Variants in UNC5C observed in about 807,000 individuals in gnomAD.
UNC5C encodes netrin receptor UNC5C.
In UNC5C, 47 loss-of-function variants were observed where a neutral mutation model predicts 99.8. The observed-to-expected ratio is 0.47, with a 90% CI of 0.37 to 0.60. The LOEUF (loss-of-function observed/expected upper bound fraction) is 0.60, where lower values mean the gene tolerates loss of function less well. Ranked by LOEUF, UNC5C falls within the 20% of genes least tolerant of loss-of-function variation. The probability of loss-of-function intolerance (pLI) is 0.00; values close to 1 mark genes in which losing one functional copy is unlikely to be tolerated. For synonymous variants in UNC5C, 487 were observed against 452.2 expected, an observed-to-expected ratio of 1.08 and a Z score of -0.98; for missense variants, 1,062 against 1,165.9, an observed-to-expected ratio of 0.91 and a Z score of 1.30.
chr4:95,495,995 G>A (rs1315525831), intron 1 of UNC5C, among the ~76,000 whole-genome samples: 1 of 151,672 alleles, frequency 6.6e-6, no homozygotes, highest in Admixed American at 6.6e-5. Context: ...GCAATTTTAA[G>A]GTGTTTTACA....
At chr4:95,229,580 A>G (rs749865320) in intron 7 of UNC5C, among the ~76,000 whole-genome samples, 25 of 152,156 alleles carry the variant, frequency 1.6e-4, no homozygotes, top group South Asian at 6.2e-4. Flanking sequence ...CAGTGCTGCA[A>G]TAAACATATG....
intron 1 of UNC5C, among the ~76,000 whole-genome samples, chr4:95,420,384 A>G (rs946652832): frequency 1.3e-5 from 2 of 152,170 alleles, no homozygotes; most frequent in East Asian, 3.8e-4. Context: ...TAATAAAATA[A>G]TCAATATTTT....
chr4:95,346,472 C>T (rs1560797197), intron 1 of UNC5C, among the ~76,000 whole-genome samples: 1 of 151,950 alleles, frequency 6.6e-6, no homozygotes. Flanking sequence ...GAAGGACATA[C>T]GGAAGAAATC....
intron 1 of UNC5C, among the ~76,000 whole-genome samples, chr4:95,430,467 C>T (rs1560830057): frequency 6.6e-6 from 1 of 152,046 alleles, no homozygotes; most frequent in Non-Finnish European, 1.5e-5. Flanking sequence ...CTTCAATTAC[C>T]TATTAGAAAA....
At chr4:95,419,998 GGTCT>G (rs1236786227) in intron 1 of UNC5C, among the ~76,000 whole-genome samples, 4 of 152,010 alleles carry the variant, frequency 2.6e-5, no homozygotes, top group East Asian at 1.9e-4. Context: ...CAATTTTGAT[GGTCT>G]GTCTTTTTAT....
intron 1 of UNC5C, among the ~76,000 whole-genome samples, chr4:95,495,239 T>C (rs1560484193): frequency 6.6e-6 from 1 of 151,560 alleles, no homozygotes; most frequent in Non-Finnish European, 1.5e-5. Context: ...CCCACTCCCT[T>C]CTCTTGGGAA....
At chr4:95,185,775 T>A (rs1214703873) in intron 12 of UNC5C, among the ~76,000 whole-genome samples, 1 of 152,086 alleles carries the variant, frequency 6.6e-6, no homozygotes, top group African/African-American at 2.4e-5. Flanking sequence ...TATGCATAAT[T>A]CCCAATTATT....
chr4:95,517,465 A>G (rs1466084320), intron 1 of UNC5C, among the ~76,000 whole-genome samples: 1 of 152,204 alleles, frequency 6.6e-6, no homozygotes, highest in Non-Finnish European at 1.5e-5. Context: ...ACACATATAC[A>G]CAAAACTAAA....
chr4:95,461,326 TGAATAGATGACAAAGGAGAGAAA>T lies in UNC5C; in HGVS notation c.124+87385_124+87407del, dbSNP rs1578176206. Among the ~76,000 whole-genome samples the T allele has an allele frequency of 2.1e-5, 3 of 143,350 alleles. 1 individual carries two copies. Among genetic ancestry groups the T allele is most frequent in the Non-Finnish European group, 3.0e-5 (2 of 66,410 alleles). 94.0% of individuals were successfully genotyped at this position (143,350 alleles called of 152,430 possible). A position where few individuals can be genotyped will look rare whatever the true frequency, so the allele number is the denominator to read the frequency against. ...CATGAAGCACAAGGCAAGAGCAAGTTGAATAGATGACAAAGGAGAGAAATCAAAAAAAGAAGATGTTATGCTCT... is the reference window on the plus strand; with the variant it reads ...CATGAAGCACAAGGCAAGAGCAAGTTTCAAAAAAAGAAGATGTTATGCTCT... On this transcript the variant is annotated intron_variant, in intron 1 of 15. Transcript: ENST00000453304.
At chr4:95,289,472 T>C (rs1396448764) in intron 3 of UNC5C, among the ~76,000 whole-genome samples, 1 of 152,238 alleles carries the variant, frequency 6.6e-6, no homozygotes, top group African/African-American at 2.4e-5. Flanking sequence ...ACAGCTGCTG[T>C]ACTATGATTC....
chr4:95,543,671 G>T (rs975920926), intron 1 of UNC5C, among the ~76,000 whole-genome samples: 7 of 152,168 alleles, frequency 4.6e-5, no homozygotes, highest in African/African-American at 1.4e-4. Flanking sequence ...AAATCCTGGG[G>T]TGTACCTTTT....
chr4:95,529,030 AT>A (rs1421450704), intron 1 of UNC5C, among the ~76,000 whole-genome samples: 1 of 151,632 alleles, frequency 6.6e-6, no homozygotes, highest in Non-Finnish European at 1.5e-5. Flanking sequence ...ATTTTTATTC[AT>A]TTTTTTCATA....
intron 1 of UNC5C, among the ~76,000 whole-genome samples, chr4:95,408,416 T>G (rs1441254894): frequency 6.6e-6 from 1 of 152,210 alleles, no homozygotes. Context: ...TTTTCATTAG[T>G]GCTTTTGTCT....
At chr4:95,275,195 G>A (rs575125354) in intron 4 of UNC5C, among the ~76,000 whole-genome samples, 78 of 152,136 alleles carry the variant, frequency 5.1e-4, no homozygotes, top group Non-Finnish European at 1.0e-3. Context: ...TCCAGCCAAA[G>A]CAACTGACTA....
At chr4:95,414,735 C>T (rs1746109733) in intron 1 of UNC5C, among the ~76,000 whole-genome samples, 1 of 152,068 alleles carries the variant, frequency 6.6e-6, no homozygotes, top group African/African-American at 2.4e-5. Context: ...TAACCTTATC[C>T]ACATGATGTT....
Position 95,245,707 on chromosome 4 carries a change from C to T in UNC5C, c.776-563G>A, listed in dbSNP as rs116252508. Among the ~76,000 whole-genome samples, 665 of 152,250 alleles carry T rather than the reference C, an allele frequency of 4.4e-3. 2 individuals carry two copies. Among genetic ancestry groups the T allele is most frequent in the Non-Finnish European group, 7.6e-3 (516 of 68,014 alleles). On this transcript the variant is annotated intron_variant, in intron 5 of 15. Coordinates refer to ENST00000453304, the MANE Select transcript of UNC5C (RefSeq NM_003728.4). ...ACAAATTGACTGGCTATTTGAGTTA[C>T]TTGGCGATTAGTTGATATTGAAATA... is the stretch of plus-strand genomic sequence containing the variant.
chr4:95,303,853 A>G (rs1415213105), intron 2 of UNC5C, among the ~76,000 whole-genome samples: 2 of 152,202 alleles, frequency 1.3e-5, no homozygotes, highest in Admixed American at 1.3e-4. Context: ...TCAATTCTTT[A>G]TAGTTTAATA....
At chr4:95,332,553 C>T (rs1743158438) in intron 2 of UNC5C, among the ~76,000 whole-genome samples, 2 of 151,778 alleles carry the variant, frequency 1.3e-5, no homozygotes, top group South Asian at 2.1e-4. Flanking sequence ...TTCCTTACAC[C>T]TTATACAAAA....
At chr4:95,261,963 A>C (rs971254433) in intron 4 of UNC5C, among the ~76,000 whole-genome samples, 1 of 152,246 alleles carries the variant, frequency 6.6e-6, no homozygotes, top group South Asian at 2.1e-4. Flanking sequence ...TCAGCCTCCC[A>C]AAGTGCTGGA....
Sources: allele counts gnomAD v4.1 joint callset (sites outside exome capture counted in the v4.1 genomes callset), GRCh38; gene constraint gnomAD v4.1.1; transcripts MANE v1.5; gene names NCBI Gene and HGNC (gene_info 2026-07-23, HGNC 2026-07-21).